Variants in ZNF724 observed in about 807,000 individuals in gnomAD.
ZNF724 encodes zinc finger protein 724 pseudogene.
Under a neutral mutation model 29.3 loss-of-function variants are expected in ZNF724, and 14 were observed. The observed-to-expected ratio is 0.48, with a 90% confidence interval of 0.32 to 0.75. ZNF724 has a LOEUF of 0.75. Ranked by LOEUF, ZNF724 falls within the 30% of genes least tolerant of loss-of-function variation. The pLI, the probability that ZNF724 is intolerant of heterozygous loss-of-function variation, is 0.04. For missense variants in ZNF724, 557 were observed against 571.2 expected (o/e 0.98, Z 0.25); for synonymous variants, 180 against 193.6 (o/e 0.93, Z 0.58).
At chr19:23,248,481 C>T (rs1972282131) in intron 1 of ZNF724, among the ~76,000 whole-genome samples, 1 of 151,876 alleles carries the variant, frequency 6.6e-6, no homozygotes, top group South Asian at 2.1e-4. Flanking sequence ...GAAAATCAGT[C>T]CTCTGTGGAG....
intron 3 of ZNF724, among the ~76,000 whole-genome samples, chr19:23,227,010 T>G (rs1486372977): frequency 6.6e-6 from 1 of 152,174 alleles, no homozygotes; most frequent in Non-Finnish European, 1.5e-5. Flanking sequence ...GCAACATTAA[T>G]GGACCATTAA....
At chr19:23,238,322 G>A (rs1972057453) in intron 1 of ZNF724, among the ~76,000 whole-genome samples, 2 of 151,680 alleles carry the variant, frequency 1.3e-5, no homozygotes, top group South Asian at 2.1e-4. Flanking sequence ...CCCAGATCAC[G>A]CCAATGCACT....
At chr19:23,232,714 A>G (rs1329998824) in intron 1 of ZNF724, among the ~76,000 whole-genome samples, 1 of 152,056 alleles carries the variant, frequency 6.6e-6, no homozygotes, top group Admixed American at 6.6e-5. Flanking sequence ...ATCTGGAATA[A>G]AGTCTGAGTT....
intron 1 of ZNF724, among the ~76,000 whole-genome samples, chr19:23,244,660 C>T (rs1289677490): frequency 2.0e-5 from 3 of 152,176 alleles, no homozygotes; most frequent in Non-Finnish European, 4.4e-5. Context: ...AACTCTCCAA[C>T]ACCAATTCTT....
At chr19:23,243,656 C>T (rs1972179696) in intron 1 of ZNF724, among the ~76,000 whole-genome samples, 1 of 151,740 alleles carries the variant, frequency 6.6e-6, no homozygotes, top group Admixed American at 6.6e-5. Context: ...GGCGCGGTGG[C>T]TCATTCCTGT....
At chr19:23,234,507 A>C (rs1971993121) in intron 1 of ZNF724, among the ~76,000 whole-genome samples, 3 of 151,946 alleles carry the variant, frequency 2.0e-5, no homozygotes, top group African/African-American at 7.3e-5. Flanking sequence ...GCTGGAGTGC[A>C]ATGGCACAAT....
intron 1 of ZNF724, among the ~76,000 whole-genome samples, chr19:23,249,863 G>A (rs1265627501): frequency 1.3e-5 from 2 of 152,088 alleles, no homozygotes; most frequent in African/African-American, 2.4e-5. Context: ...GGGGAAAGAT[G>A]AACTGGAAAC....
chr19:23,237,593 A>G lies in ZNF724; in HGVS notation c.4-5300T>C, dbSNP rs376180140. On this transcript the variant is annotated intron_variant, in intron 1 of 3. Transcript: ENST00000418100. The stretch of plus-strand genomic sequence containing the variant: ...AAATAAATATTGTGGTCTTATATTC[A>G]TAATATTGTAGAAAATACCGTATAA... Among the ~76,000 whole-genome samples, 3 of 152,040 alleles carry G rather than the reference A, an allele frequency of 2.0e-5. No homozygotes were observed. In the South Asian group the frequency reaches 6.2e-4, roughly 31 times the overall value.
chr19:23,229,602 C>T (rs776294419), intron 3 of ZNF724, among the ~76,000 whole-genome samples: 2 of 152,156 alleles, frequency 1.3e-5, no homozygotes, highest in African/African-American at 2.4e-5. Context: ...TTCAGCCTGT[C>T]CAAAAATAAA....
At chr19:23,233,023 C>G (rs1483359894) in intron 1 of ZNF724, among the ~76,000 whole-genome samples, 3 of 152,062 alleles carry the variant, frequency 2.0e-5, no homozygotes, top group African/African-American at 4.8e-5. Flanking sequence ...GCTCTTTAAC[C>G]AAGTGAATCA....
At chr19:23,243,677 C>T (rs1341858652) in intron 1 of ZNF724, among the ~76,000 whole-genome samples, 1 of 151,302 alleles carries the variant, frequency 6.6e-6, no homozygotes, top group Non-Finnish European at 1.5e-5. Context: ...AATACCAGCA[C>T]TTTTGGAGGC....
Position 23,231,293 on chromosome 19 carries a change from T to A in ZNF724, c.199A>T (p.Arg67Ter). ...EQGKEPWNME[R>*]HEMVAKPPGM... ...GGGGGTTTGGCCACCATCTCATGTC[T>A]CTCCATATTCCAGGGCTCTTTGCCT... Residue 67 changes from arginine to a stop codon, truncating the protein, a stop_gained, in exon 3 of 4, where the codon AGA (arginine) becomes TGA (stop). Coordinates refer to ENST00000418100, the MANE Select transcript of ZNF724 (RefSeq NM_001355404.2). LOFTEE classifies it low-confidence loss of function (END_TRUNC). 7.3e-7 allele frequency: 1 copy of A among 1,374,498 alleles called. No homozygotes were observed. The allele number at this position is 1,374,498 out of a possible 1,614,324, so 85.1% of individuals were successfully genotyped here.
In ZNF724 at chr19:23,223,233, A is replaced by G. The variant is rs555035803; in HGVS notation, c.1012T>C (p.Tyr338His). The G allele has an allele frequency of 7.4e-6, 7 of 940,860 alleles. No individual in the cohort carries two copies. Among genetic ancestry groups the G allele is most frequent in the Admixed American group, 1.7e-5 (1 of 57,364 alleles). The allele number at this position is 940,860 out of a possible 1,614,324, so 58.3% of individuals were successfully genotyped here. Residue 338 changes from tyrosine (Y) to histidine (H), a missense_variant, in exon 4 of 4, where the codon TAT becomes CAT. Tyr to His is a moderately conservative substitution (Grantham distance 83). Around this residue, in one of 3 missense-constraint regions of ZNF724, gnomAD observed 362 missense variants for 295.5 expected, o/e 1.22. Transcript: ENST00000418100. Reference protein sequence around the residue: ...HKRIHTGDKPYKCEECGKAFN... With the variant: ...HKRIHTGDKPHKCEECGKAFN... ...GCTTTGCCACATTCTTCACATTTAT[A>G]AGGTTTATCACCAGTATGAATTCTC...
intron 1 of ZNF724, among the ~76,000 whole-genome samples, chr19:23,241,949 T>A (rs572361497): frequency 6.6e-6 from 1 of 152,324 alleles, no homozygotes; most frequent in South Asian, 2.1e-4. Context: ...AAACTATCCC[T>A]GTTTTCAGAT....
Position 23,224,464 on chromosome 19 carries a change from A to C in ZNF724, c.227-446T>G, listed in dbSNP as rs557654258. ...TGCATAACAAAATACCAAAGACCCT[A>C]ATTTCCTTATAGACATATAAATATA... On this transcript the variant is annotated intron_variant, in intron 3 of 3. Transcript: ENST00000418100. Among the ~76,000 whole-genome samples, 8 of 152,248 alleles carry C rather than the reference A, an allele frequency of 5.3e-5. No individual in the cohort carries two copies. In the East Asian group the frequency reaches 7.7e-4, roughly 15 times the overall value.
chr19:23,232,635 G>A lies in ZNF724; in HGVS notation c.4-342C>T, dbSNP rs1971956338. On this transcript the variant is annotated intron_variant, in intron 1 of 3. Coordinates refer to ENST00000418100, the MANE Select transcript of ZNF724 (RefSeq NM_001355404.2). ...GATGAAAGACATGTCGAGTTACAAG[G>A]TACATCTCAAATTTTAATGTGTACA... is the stretch of plus-strand genomic sequence containing the variant. Among the ~76,000 whole-genome samples, 5 of 151,270 alleles carry A rather than the reference G, an allele frequency of 3.3e-5. No homozygotes were observed. The South Asian group carries it at 1.0e-3, about 31-fold the overall frequency.
chr19:23,236,672 A>G (rs995928251), intron 1 of ZNF724: 3 of 152,212 alleles, frequency 2.0e-5, no homozygotes, highest in African/African-American at 4.8e-5. Flanking sequence ...ACGTCTCTCT[A>G]AACACCCAAA....
At chr19:23,237,730 A>AAAAAG (rs1568343355) in intron 1 of ZNF724, among the ~76,000 whole-genome samples, 1 of 151,452 alleles carries the variant, frequency 6.6e-6, no homozygotes, top group East Asian at 1.9e-4. Flanking sequence ...AAAAAAAAAA[A>AAAAAG]AAAGAAAATA....
intron 1 of ZNF724, among the ~76,000 whole-genome samples, chr19:23,241,272 T>TA (rs1288453725): frequency 1.3e-5 from 2 of 151,994 alleles, no homozygotes; most frequent in Admixed American, 6.6e-5. Flanking sequence ...GGCTACCAAC[T>TA]AAAAAAACCC....
Sources: allele counts gnomAD v4.1 joint callset (sites outside exome capture counted in the v4.1 genomes callset), GRCh38; gene constraint gnomAD v4.1.1; regional missense constraint gnomAD v4.1.1; transcripts MANE v1.5; gene names NCBI Gene and HGNC (gene_info 2026-07-23, HGNC 2026-07-21).